Variants in DNAH11 observed in about 807,000 individuals in gnomAD.
DNAH11 encodes the protein dynein axonemal heavy chain 11.
Under a neutral mutation model 526.0 loss-of-function variants are expected in DNAH11, and 442 were observed. The observed-to-expected ratio is 0.84, with a 90% confidence interval of 0.78 to 0.91. The LOEUF (loss-of-function observed/expected upper bound fraction) is 0.91, where lower values mean the gene tolerates loss of function less well. DNAH11 is among the 40% of genes least tolerant of loss of function. DNAH11 has a pLI of 0.00. For synonymous variants in DNAH11, 2,461 were observed against 1,935.9 expected, an observed-to-expected ratio of 1.27 and a Z score of -7.12; for missense variants, 6,989 against 5,448.7, an observed-to-expected ratio of 1.28 and a Z score of -8.90.
chr7:21,557,215 C>T (rs1342382816), intron 2 of DNAH11, among the ~76,000 whole-genome samples: 5 of 152,176 alleles, frequency 3.3e-5, no homozygotes, highest in African/African-American at 1.2e-4. Flanking sequence ...CTCAGGGGTA[C>T]TGGCTCTATT....
At position 21,687,395 on chromosome 7, in the gene DNAH11, T is replaced by C. The variant is rs1783423598; in HGVS notation, c.5792T>C (p.Ile1931Thr). 7 of 1,612,988 alleles carry C rather than the reference T, an allele frequency of 4.3e-6. No individual in the cohort carries two copies. The East Asian group carries it at 1.6e-4, about 36-fold the overall frequency. Residue 1931 changes from isoleucine (I) to threonine (T), a missense_variant, in exon 34 of 82, where the codon ATC (isoleucine) becomes ACC (threonine). Transcript: ENST00000409508. ...EQMDYKSIGN[I>T]YKGLVQTGAW... ...TTTATCATTTAGTCCATAGGCAATA[T>C]CTATAAGGGATTGGTGCAGACAGGA...
At chr7:21,640,697 G>A (rs1013127745) in intron 28 of DNAH11, among the ~76,000 whole-genome samples, 2 of 151,956 alleles carry the variant, frequency 1.3e-5, no homozygotes, top group African/African-American at 4.8e-5. Context: ...GGCAGGTATC[G>A]TAATCTCCTG....
intron 66 of DNAH11, among the ~76,000 whole-genome samples, chr7:21,850,105 C>T (rs1782566844): frequency 1.3e-5 from 2 of 151,570 alleles, no homozygotes; most frequent in South Asian, 4.1e-4. Flanking sequence ...GCCTGTAATC[C>T]CAGCACTTTG....
chr7:21,623,260 A>G (rs1417053614), intron 25 of DNAH11, among the ~76,000 whole-genome samples: 6 of 152,026 alleles, frequency 3.9e-5, no homozygotes, highest in African/African-American at 7.2e-5. Context: ...CAAAACCACA[A>G]TGAGATACCA....
chr7:21,718,134 G>A lies in DNAH11; in HGVS notation c.7134+209G>A, dbSNP rs151337775. ...TCACATTCTGTTAGTGTTTAAGTTT[G>A]TGCTCTCCTTCTTTTCACAATCTTG... On this transcript the variant is annotated intron_variant, in intron 43 of 81. Coordinates refer to ENST00000409508, the MANE Select transcript of DNAH11 (RefSeq NM_001277115.2). Among the ~76,000 whole-genome samples, 400 of 137,868 alleles carry A rather than the reference G, an allele frequency of 2.9e-3. 1 individual carries two copies. Among genetic ancestry groups the A allele is most frequent in the African/African-American group, 0.011 (386 of 35,964 alleles). 90.4% of individuals were successfully genotyped at this position (137,868 alleles called of 152,430 possible). A position where few individuals can be genotyped will look rare whatever the true frequency, so the allele number is the denominator to read the frequency against.
At chr7:21,743,212 G>T (rs1279076484) in intron 49 of DNAH11, among the ~76,000 whole-genome samples, 1 of 152,238 alleles carries the variant, frequency 6.6e-6, no homozygotes, top group Non-Finnish European at 1.5e-5. Context: ...GAGTGAGTGA[G>T]TGCTTACTGT....
chr7:21,578,248 G>T (rs935616424), intron 8 of DNAH11, among the ~76,000 whole-genome samples: 1 of 152,198 alleles, frequency 6.6e-6, no homozygotes, highest in African/African-American at 2.4e-5. Flanking sequence ...GAAGGTACAC[G>T]TATTGGGTAA....
intron 61 of DNAH11, among the ~76,000 whole-genome samples, chr7:21,790,084 G>C (rs1047542395): frequency 6.6e-6 from 1 of 151,830 alleles, no homozygotes; most frequent in Non-Finnish European, 1.5e-5. Flanking sequence ...AGGTAGAACT[G>C]TGGGGATTTA....
At chr7:21,867,157 T>G (rs1562593158) in intron 71 of DNAH11, among the ~76,000 whole-genome samples, 3 of 152,228 alleles carry the variant, frequency 2.0e-5, no homozygotes, top group Admixed American at 6.5e-5. Context: ...AGTGTCCTTT[T>G]TCTTTGCCCT....
chr7:21,808,636 T>C (rs1467067126), intron 63 of DNAH11, among the ~76,000 whole-genome samples: 1 of 152,196 alleles, frequency 6.6e-6, no homozygotes, highest in Non-Finnish European at 1.5e-5. Flanking sequence ...ACATACGATA[T>C]TTATCTTTTT....
At position 21,587,219 on chromosome 7, in the gene DNAH11, A is replaced by G. The variant is rs113005422; in HGVS notation, c.1711-845A>G. On this transcript the variant is annotated intron_variant, in intron 9 of 81. Transcript: ENST00000409508. The stretch of plus-strand genomic sequence containing the variant: ...GGGAATCCAAAATCAGACTCACTGG[A>G]TAACTAAGCTTTGTGAACACCGGCA... Among the ~76,000 whole-genome samples the G allele has an allele frequency of 2.9e-3, 449 of 152,330 alleles. 4 individuals carry two copies. The highest frequency in any genetic ancestry group is 0.011 in the African/African-American group (439 of 41,580).
At chr7:21,818,938 C>T (rs1043879525) in intron 65 of DNAH11, among the ~76,000 whole-genome samples, 2 of 152,100 alleles carry the variant, frequency 1.3e-5, no homozygotes, top group East Asian at 3.9e-4. Context: ...ACTGCCATTC[C>T]CCCAAGACAA....
In DNAH11 at chr7:21,873,478, G is replaced by A; in HGVS notation, c.12172G>A (p.Ala4058Thr). ...PPTGMLANLHAALYNFDQDTL... is the reference protein window; with the variant it reads ...PPTGMLANLHTALYNFDQDTL... ...AACAGGGATGCTGGCCAATTTGCAT[G>A]CCGCCCTGTACAACTTTGATCAGGT... Residue 4058 changes from alanine to threonine, a missense_variant, in exon 74 of 82, where the codon GCC becomes ACC. Coordinates refer to ENST00000409508, the MANE Select transcript of DNAH11 (RefSeq NM_001277115.2). 1 of 1,613,952 alleles carries A rather than the reference G, an allele frequency of 6.2e-7. No individual in the cohort carries two copies. The highest frequency in any genetic ancestry group is 8.5e-7 in the Non-Finnish European group (1 of 1,179,868).
chr7:21,776,502 C>T (rs1004890075), intron 56 of DNAH11, among the ~76,000 whole-genome samples: 1 of 152,174 alleles, frequency 6.6e-6, no homozygotes, highest in Non-Finnish European at 1.5e-5. Context: ...AATGCCACAT[C>T]ATTTGAAAAC....
chr7:21,723,256 A>T (rs1220067397), intron 44 of DNAH11, among the ~76,000 whole-genome samples: 1 of 152,196 alleles, frequency 6.6e-6, no homozygotes, highest in Non-Finnish European at 1.5e-5. Flanking sequence ...AAAACTATAA[A>T]ACTCTATATG....
chr7:21,576,634 T>C (rs890620989), intron 8 of DNAH11, among the ~76,000 whole-genome samples: 1 of 152,180 alleles, frequency 6.6e-6, no homozygotes, highest in African/African-American at 2.4e-5. Context: ...GGCCAAAGCA[T>C]TTTGTGGGCA....
At chr7:21,666,324 G>A (rs938059885) in intron 30 of DNAH11, among the ~76,000 whole-genome samples, 13 of 152,048 alleles carry the variant, frequency 8.5e-5, no homozygotes, top group African/African-American at 3.1e-4. Context: ...AGGTTCCTTG[G>A]TGAAAGTGTT....
intron 7 of DNAH11, 29 bp downstream of exon 7, chr7:21,570,328 T>A: frequency 1.9e-6 from 3 of 1,559,940 alleles, no homozygotes; most frequent in Non-Finnish European, 2.6e-6. Context: ...TATTTATTCA[T>A]GTTGAAGGTG....
At chr7:21,703,664 T>C (rs1293027579) in intron 37 of DNAH11, 2 of 152,148 alleles carry the variant, frequency 1.3e-5, no homozygotes, top group African/African-American at 4.8e-5. Flanking sequence ...CCTCCTCTAA[T>C]TTGACATGAG....
Sources: gnomAD v4.1 joint callset for allele counts (sites outside exome capture counted in the v4.1 genomes callset) on GRCh38, gnomAD v4.1.1 for gene constraint, MANE v1.5 for transcripts, NCBI Gene and HGNC (gene_info 2026-07-23, HGNC 2026-07-21) for gene names.